Variants in PAX2 observed in about 807,000 individuals in gnomAD.
The protein encoded by PAX2 is paired box protein Pax-2.
A neutral mutation model predicts 41.7 loss-of-function variants in PAX2; 9 were observed. The ratio of observed to expected loss-of-function variants is 0.22; its 90% CI spans 0.13 to 0.38. The LOEUF (loss-of-function observed/expected upper bound fraction) is 0.38. PAX2 is among the 10% of genes least tolerant of loss of function. The pLI is 1.00. For missense variants in PAX2, 418 were observed against 531.6 expected, an observed-to-expected ratio of 0.79 and a Z score of 2.10; for synonymous variants, 221 against 212.7, an observed-to-expected ratio of 1.04 and a Z score of -0.34.
chr10:100,736,436 G>A (rs1398486992), intron 1 of PAX2, among the ~76,000 whole-genome samples: 10 of 152,208 alleles, frequency 6.6e-5, no homozygotes. Context: ...GTACAGCGGT[G>A]GGAAGCCAGG....
intron 7 of PAX2, among the ~76,000 whole-genome samples, chr10:100,823,733 A>G (rs981304551): frequency 6.6e-6 from 1 of 152,136 alleles, no homozygotes. Context: ...AGATCAGAGC[A>G]TGCTAAATTG....
At chr10:100,796,503 A>G (rs942468504) in intron 5 of PAX2, among the ~76,000 whole-genome samples, 35 of 152,064 alleles carry the variant, frequency 2.3e-4, no homozygotes, top group African/African-American at 7.5e-4. Flanking sequence ...TTTTCCTGAA[A>G]TGTCCTTCTC....
chr10:100,797,077 A>C (rs2133930848), intron 5 of PAX2, among the ~76,000 whole-genome samples: 1 of 152,380 alleles, frequency 6.6e-6, no homozygotes, highest in Admixed American at 6.5e-5. Context: ...TGAGCATAAC[A>C]AGTTAAGAAC....
intron 5 of PAX2, among the ~76,000 whole-genome samples, chr10:100,788,970 G>C (rs1278617011): frequency 1.3e-5 from 2 of 151,986 alleles, no homozygotes; most frequent in African/African-American, 2.4e-5. Context: ...GTGCTCCCAG[G>C]TTTCTAAAGT....
At chr10:100,758,233 C>T (rs533441414) in intron 3 of PAX2, among the ~76,000 whole-genome samples, 93 of 151,592 alleles carry the variant, frequency 6.1e-4, no homozygotes, top group African/African-American at 2.2e-3. Context: ...CTCCGCCTCC[C>T]GGGTTCACGC....
chr10:100,782,704 C>T (rs1846680361), intron 5 of PAX2, among the ~76,000 whole-genome samples: 1 of 152,398 alleles, frequency 6.6e-6, no homozygotes, highest in South Asian at 2.1e-4. Context: ...CCAAAATATC[C>T]AAACCGATTT....
chr10:100,785,993 G>A (rs948602002), intron 5 of PAX2, among the ~76,000 whole-genome samples: 4 of 152,204 alleles, frequency 2.6e-5, no homozygotes, highest in African/African-American at 7.2e-5. Flanking sequence ...CCATGAGGTC[G>A]TGAATTTAGT....
intron 3 of PAX2, among the ~76,000 whole-genome samples, chr10:100,752,758 C>T (rs898998906): frequency 6.6e-6 from 1 of 152,164 alleles, no homozygotes; most frequent in Non-Finnish European, 1.5e-5. Context: ...CCCCGTCCAA[C>T]ACCCCCTGCC....
At chr10:100,805,023 TACACACACACACACACACACACACAC>T (rs3978747) in intron 5 of PAX2, among the ~76,000 whole-genome samples, 6 of 94,956 alleles carry the variant, frequency 6.3e-5, no homozygotes, top group Admixed American at 4.2e-4. Context: ...CTCTCTCACA[TACACACACACACACACACACACACAC>T]ACACACACAC....
At chr10:100,755,267 T>C (rs1387720094) in intron 3 of PAX2, among the ~76,000 whole-genome samples, 1 of 152,210 alleles carries the variant, frequency 6.6e-6, no homozygotes, top group African/African-American at 2.4e-5. Context: ...TGTCTCCCTG[T>C]TGGCTGGTTC....
In PAX2 at chr10:100,748,470, C is replaced by A. The variant is rs1236786754; in HGVS notation, c.44-1276C>A. 1.2e-5 allele frequency: 12 copies of A among 985,206 alleles called. No homozygotes were observed. In the African/African-American group the frequency reaches 1.7e-4, roughly 14 times the overall value. 61.0% of individuals were successfully genotyped at this position (985,206 alleles called of 1,614,324 possible). ...AGAGAAATGAGGGGGGCACAGATGT[C>A]CCCGCTTTCTCCGAAACTCGCGTGA... On this transcript the variant is annotated intron_variant, in intron 1 of 9. Transcript: ENST00000355243. This position sits in a 1 kb window ranked among gnomAD's most constrained non-coding sequence, Gnocchi z 5.0.
In PAX2 at chr10:100,799,871, G is replaced by C. The variant is rs182780356; in HGVS notation, c.617-6559G>C. ...ATGATCTCAACTCACTGCAACCTCC[G>C]CCTCCTGGGTTCAAGCGATTCTCCT... On this transcript the variant is annotated intron_variant, in intron 5 of 9. Transcript: ENST00000355243. Among the ~76,000 whole-genome samples the C allele has an allele frequency of 4.5e-5, 6 of 133,820 alleles. No individual in the cohort carries two copies. In the East Asian group the frequency reaches 1.5e-3, roughly 34 times the overall value. The allele number at this position is 133,820 out of a possible 152,430, so 87.8% of individuals were successfully genotyped here. A position where few individuals can be genotyped will look rare whatever the true frequency, so the allele number is the denominator to read the frequency against.
At chr10:100,792,173 A>G (rs181818357) in intron 5 of PAX2, among the ~76,000 whole-genome samples, 6 of 152,340 alleles carry the variant, frequency 3.9e-5, no homozygotes, top group Non-Finnish European at 7.3e-5. Context: ...GTGGTTGACA[A>G]TGTTAAAGTA....
At position 100,779,372 on chromosome 10, in the gene PAX2, CAG is replaced by C. The variant is rs756077881; in HGVS notation, c.411-125_411-124del. On this transcript the variant is annotated intron_variant, in intron 3 of 9. Transcript: ENST00000355243. ...GCAGCAGTCAGTGAGGGCAGGGACACAGGGAGCAGATGGATGAGGAAATCGCT... is the reference window on the plus strand; with the variant it reads ...GCAGCAGTCAGTGAGGGCAGGGACACGGAGCAGATGGATGAGGAAATCGCT... The C allele has an allele frequency of 1.2e-3, 978 of 826,860 alleles. 3 individuals carry two copies. The highest frequency in any genetic ancestry group is 1.8e-3 in the Non-Finnish European group (884 of 485,746). 51.2% of individuals were successfully genotyped at this position (826,860 alleles called of 1,614,324 possible). A position where few individuals can be genotyped will look rare whatever the true frequency, so the allele number is the denominator to read the frequency against.
At chr10:100,786,781 A>T (rs562308056) in intron 5 of PAX2, among the ~76,000 whole-genome samples, 2 of 152,236 alleles carry the variant, frequency 1.3e-5, no homozygotes, top group South Asian at 4.1e-4. Flanking sequence ...GACTAGGGAG[A>T]CTAAGGCCCT....
Position 100,779,596 on chromosome 10 carries a change from A to C in PAX2, c.496+13A>C. On this transcript the variant is annotated intron_variant, in intron 4 of 9. Coordinates refer to ENST00000355243, the MANE Select transcript of PAX2 (RefSeq NM_000278.5). ...GGCCACACCATTGGTAAGAGGGCTC[A>C]GGGAAGGGGAGGAAACCAGATCCCA... 6.4e-7 allele frequency: 1 copy of C among 1,552,828 alleles called. No homozygotes were observed. The highest frequency in any genetic ancestry group is 8.8e-7 in the Non-Finnish European group (1 of 1,141,614).
chr10:100,761,981 AC>A (rs1349737984), intron 3 of PAX2, among the ~76,000 whole-genome samples: 1 of 152,026 alleles, frequency 6.6e-6, no homozygotes, highest in Non-Finnish European at 1.5e-5. Flanking sequence ...AGGGGTATAG[AC>A]CCCCAAAATC....
At chr10:100,810,116 G>A (rs899230244) in intron 7 of PAX2, among the ~76,000 whole-genome samples, 1 of 152,212 alleles carries the variant, frequency 6.6e-6, no homozygotes, top group Middle Eastern at 3.2e-3. Context: ...GAAGGGTCTC[G>A]GTGGGGATTG....
At chr10:100,780,340 A>G (rs917217334) in intron 4 of PAX2, among the ~76,000 whole-genome samples, 1 of 152,192 alleles carries the variant, frequency 6.6e-6, no homozygotes, top group Non-Finnish European at 1.5e-5. Context: ...CTCTGGCCCA[A>G]GGAGAAACTT....
Sources: gnomAD v4.1 joint callset for allele counts (sites outside exome capture counted in the v4.1 genomes callset) on GRCh38, gnomAD v4.1.1 for gene constraint, Gnocchi (gnomAD v3.1) non-coding constraint, MANE v1.5 for transcripts, NCBI Gene and HGNC (gene_info 2026-07-23, HGNC 2026-07-21) for gene names.